PDE1A: variants seen among roughly 807,000 people sequenced by gnomAD.
PDE1A encodes phosphodiesterase 1A.
In PDE1A, 35 loss-of-function variants were observed where a neutral mutation model predicts 61.7. That is an observed-to-expected ratio of 0.57 (90% CI 0.43 to 0.75). The LOEUF (loss-of-function observed/expected upper bound fraction) is 0.75, where lower values mean the gene tolerates loss of function less well. PDE1A is among the 30% of genes least tolerant of loss of function. The pLI is 0.00. For missense variants in PDE1A, 597 were observed against 630.6 expected, an observed-to-expected ratio of 0.95 and a Z score of 0.57; for synonymous variants, 232 against 213.2, an observed-to-expected ratio of 1.09 and a Z score of -0.77.
At chr2:182,611,316 T>G in the PDE1A span, among the ~76,000 whole-genome samples, 1 of 152,118 alleles carries the variant, frequency 6.6e-6, no homozygotes, top group Admixed American at 6.6e-5. Flanking sequence ...AAAATGGACT[T>G]CAAAATAGCA....
the PDE1A span, among the ~76,000 whole-genome samples, chr2:182,629,728 AT>A: frequency 6.6e-6 from 1 of 152,138 alleles, no homozygotes; most frequent in Non-Finnish European, 1.5e-5. Context: ...TGGTGCTATT[AT>A]TTTTACTAGT....
At chr2:182,160,431 A>T (rs1315850003) in intron 13 of PDE1A, among the ~76,000 whole-genome samples, 1 of 152,172 alleles carries the variant, frequency 6.6e-6, no homozygotes, top group Non-Finnish European at 1.5e-5. Context: ...CAATGCAGGC[A>T]GGAAAAGGGA....
the PDE1A span, among the ~76,000 whole-genome samples, chr2:182,626,850 T>TATATATATAC: frequency 4.2e-5 from 1 of 23,850 alleles, no homozygotes; most frequent in Non-Finnish European, 9.4e-5. Flanking sequence ...TATATATACA[T>TATATATATAC]ATATATATAC....
intron 1 of PDE1A, among the ~76,000 whole-genome samples, chr2:182,368,415 C>G (rs1699953484): frequency 7.0e-6 from 1 of 142,368 alleles, no homozygotes; most frequent in Admixed American, 7.1e-5. Context: ...TTTTCCCCTT[C>G]CCACTCTTTT....
intron 2 of PDE1A, among the ~76,000 whole-genome samples, chr2:182,488,917 C>T (rs1284804262): frequency 6.6e-6 from 1 of 152,148 alleles, no homozygotes; most frequent in African/African-American, 2.4e-5. Context: ...AGAGCATGTT[C>T]AAAAGCAAAG....
chr2:182,563,653 G>T, the PDE1A span, among the ~76,000 whole-genome samples: 1 of 152,084 alleles, frequency 6.6e-6, no homozygotes, highest in Non-Finnish European at 1.5e-5. Flanking sequence ...GTTGACAGTG[G>T]GGTGTTAAAG....
At chr2:182,707,283 G>A in the PDE1A span, among the ~76,000 whole-genome samples, 1 of 151,484 alleles carries the variant, frequency 6.6e-6, no homozygotes, top group African/African-American at 2.4e-5. Flanking sequence ...ACATAAGCAG[G>A]AAAAAGGAAA....
chr2:182,626,371 G>A, the PDE1A span, among the ~76,000 whole-genome samples: 2 of 151,986 alleles, frequency 1.3e-5, no homozygotes, highest in Non-Finnish European at 2.9e-5. Flanking sequence ...GTATTTCAGG[G>A]AAGCAAAGGA....
At chr2:182,277,184 G>A (rs189875571) in intron 1 of PDE1A, among the ~76,000 whole-genome samples, 24 of 151,838 alleles carry the variant, frequency 1.6e-4, no homozygotes, top group Admixed American at 9.2e-4. Context: ...ATCCCTCTTC[G>A]TACATACCAT....
chr2:182,238,307 A>G (rs1003361525), intron 3 of PDE1A, among the ~76,000 whole-genome samples: 6 of 150,500 alleles, frequency 4.0e-5, no homozygotes, highest in African/African-American at 1.2e-4. Context: ...AAAGAATGAC[A>G]GGAACTAATT....
At chr2:182,491,019 T>G (rs1688356551) in intron 2 of PDE1A, among the ~76,000 whole-genome samples, 2 of 152,288 alleles carry the variant, frequency 1.3e-5, no homozygotes, top group South Asian at 4.1e-4. Flanking sequence ...CTTAAAATAA[T>G]CATTCATGGT....
Position 182,238,266 on chromosome 2 carries a change from C to CAAAAA in PDE1A, c.350+1839_350+1843dup, listed in dbSNP as rs3063250. ...CCTGGGTGACAGAGCCAGACTACGT[C>CAAAAA]AAAAAAAAAAAAAAAAGAAAAAGAA... On this transcript the variant is annotated intron_variant, in intron 3 of 13. Coordinates refer to ENST00000351439, the Ensembl canonical transcript of PDE1A. Among the ~76,000 whole-genome samples, 203 of 98,034 alleles carry CAAAAA rather than the reference C, an allele frequency of 2.1e-3. 3 individuals carry two copies. Among genetic ancestry groups the CAAAAA allele is most frequent in the Non-Finnish European group, 2.5e-3 (131 of 52,634 alleles). The allele number at this position is 98,034 out of a possible 152,430, so 64.3% of individuals were successfully genotyped here. A position where few individuals can be genotyped will look rare whatever the true frequency, so the allele number is the denominator to read the frequency against.
chr2:182,532,364 G>T, the PDE1A span, among the ~76,000 whole-genome samples: 1 of 152,114 alleles, frequency 6.6e-6, no homozygotes, highest in South Asian at 2.1e-4. Context: ...TATGTACATT[G>T]TGTCAATTTA....
chr2:182,468,081 T>C (rs1244151458), intron 2 of PDE1A, among the ~76,000 whole-genome samples: 1 of 151,980 alleles, frequency 6.6e-6, no homozygotes, highest in African/African-American at 2.4e-5. Context: ...AGTGTGATGG[T>C]TGCTGAGTGA....
chr2:182,262,224 CTT>C (rs1692273961), intron 2 of PDE1A, among the ~76,000 whole-genome samples: 1 of 63,390 alleles, frequency 1.6e-5, no homozygotes, highest in African/African-American at 1.0e-4. Context: ...CTTTCTTTTT[CTT>C]TCTCTCTTTC....
the PDE1A span, among the ~76,000 whole-genome samples, chr2:182,566,582 T>C: frequency 7.2e-5 from 11 of 151,916 alleles, no homozygotes; most frequent in Non-Finnish European, 1.5e-4. Context: ...TATTTCTTTC[T>C]AGTTTCTCAA....
intron 10 of PDE1A, among the ~76,000 whole-genome samples, chr2:182,196,124 C>T (rs921712170): frequency 1.3e-5 from 2 of 151,958 alleles, no homozygotes; most frequent in African/African-American, 4.8e-5. Context: ...ACTTGTTTTG[C>T]TTGAAAGACA....
At chr2:182,280,633 G>A (rs953414995) in intron 1 of PDE1A, among the ~76,000 whole-genome samples, 1 of 151,954 alleles carries the variant, frequency 6.6e-6, no homozygotes, top group African/African-American at 2.4e-5. Context: ...ACTCTGCTCT[G>A]CCAGTTACCA....
downstream of PDE1A, among the ~76,000 whole-genome samples, chr2:182,165,819 A>G (rs965308765): frequency 1.3e-5 from 2 of 152,238 alleles, no homozygotes; most frequent in African/African-American, 4.8e-5. Context: ...TTGTATGTAT[A>G]TTAACATGTC....
Sources: gnomAD v4.1 joint callset for allele counts (sites outside exome capture counted in the v4.1 genomes callset) on GRCh38, gnomAD v4.1.1 for gene constraint, MANE v1.5 for transcripts, NCBI Gene and HGNC (gene_info 2026-07-23, HGNC 2026-07-21) for gene names.